SLC26A7: variants seen among roughly 807,000 people sequenced by gnomAD.
The protein encoded by SLC26A7 is solute carrier family 26 member 7.
A neutral mutation model predicts 82.5 loss-of-function variants in SLC26A7; 59 were observed. That is an observed-to-expected ratio of 0.72 (90% CI 0.58 to 0.89). The LOEUF (loss-of-function observed/expected upper bound fraction) is 0.89. Ranked by LOEUF, SLC26A7 falls within the 40% of genes least tolerant of loss-of-function variation. The probability of loss-of-function intolerance (pLI) is 0.00; values close to 1 mark genes in which losing one functional copy is unlikely to be tolerated. For missense variants in SLC26A7, 820 were observed against 793.0 expected (o/e 1.03, Z -0.41); for synonymous variants, 271 against 274.3 (o/e 0.99, Z 0.12).
At position 91,236,339 on chromosome 8, in the gene SLC26A7, G is replaced by A. The variant is rs983553181; in HGVS notation, c.-33-13280G>A. On this transcript the variant is annotated intron_variant, in intron 2 of 5. Coordinates refer to the SLC26A7 transcript ENST00000522862. ...AAGTTTTCAGGGAATAATAGAGTTAGGAGAAGGTCTGGGAAGTCCAAAGTC... is the reference window on the plus strand; with the variant it reads ...AAGTTTTCAGGGAATAATAGAGTTAAGAGAAGGTCTGGGAAGTCCAAAGTC... Among the ~76,000 whole-genome samples the A allele has an allele frequency of 2.1e-4, 32 of 152,126 alleles. 1 individual carries two copies.
At position 91,394,034 on chromosome 8, in the gene SLC26A7, A is replaced by G; in HGVS notation, c.1930A>G (p.Asn644Asp). The G allele has an allele frequency of 3.1e-6, 5 of 1,612,676 alleles. No homozygotes were observed. The highest frequency in any genetic ancestry group is 4.2e-6 in the Non-Finnish European group (5 of 1,178,912). ...VSAAISHIHS[N>D]KNLSKLSDHS... ...TGCTGCAATAAGTCATATCCATTCA[A>G]ATAAGGTGAGTTGATTAAGTTGGGC... Residue 644 changes from asparagine to aspartate, a missense_variant, in exon 18 of 19, where the codon AAT becomes GAT. Transcript: ENST00000276609.
At chr8:91,311,485 A>G (rs1812485836) in intron 4 of SLC26A7, among the ~76,000 whole-genome samples, 1 of 152,052 alleles carries the variant, frequency 6.6e-6, no homozygotes, top group Non-Finnish European at 1.5e-5. Context: ...AATGTGGAAA[A>G]ATATACAAGC....
chr8:91,324,560 C>T (rs137893327), intron 5 of SLC26A7, among the ~76,000 whole-genome samples: 1 of 152,308 alleles, frequency 6.6e-6, no homozygotes, highest in African/African-American at 2.4e-5. Flanking sequence ...GATTAAAGAA[C>T]CACTAGAACA....
intron 9 of SLC26A7, chr8:91,348,388 CGA>C: frequency 1.0e-6 from 1 of 982,676 alleles, no homozygotes; most frequent in Non-Finnish European, 1.2e-6. Flanking sequence ...CTACTCCCAA[CGA>C]AATATCTAGG....
At chr8:91,221,887 G>GT (rs201824363) in intron 2 of SLC26A7, among the ~76,000 whole-genome samples, 9,696 of 151,638 alleles carry the variant, frequency 0.064, 754 homozygotes, top group East Asian at 0.22. Context: ...ATTTAAAATA[G>GT]TTTTTTTTTA....
At chr8:91,293,591 A>G (rs984714664) in intron 3 of SLC26A7, among the ~76,000 whole-genome samples, 3 of 152,118 alleles carry the variant, frequency 2.0e-5, no homozygotes, top group Non-Finnish European at 1.5e-5. Context: ...TTGAAATATG[A>G]CTCACACGCA....
intron 6 of SLC26A7, among the ~76,000 whole-genome samples, chr8:91,337,067 T>A (rs1315929342): frequency 6.6e-6 from 1 of 152,198 alleles, no homozygotes; most frequent in Non-Finnish European, 1.5e-5. Context: ...TATTTATAAA[T>A]TTTAACAATA....
intron 15 of SLC26A7, among the ~76,000 whole-genome samples, chr8:91,377,179 A>G (rs1172769601): frequency 6.6e-6 from 1 of 152,058 alleles, no homozygotes; most frequent in East Asian, 1.9e-4. Context: ...CACTTTCTCC[A>G]AGTGCTTTCC....
intron 2 of SLC26A7, among the ~76,000 whole-genome samples, chr8:91,277,703 T>C (rs552971690): frequency 1.3e-5 from 2 of 152,354 alleles, no homozygotes; most frequent in South Asian, 2.1e-4. Flanking sequence ...TAAAATTCCC[T>C]AAAACTTTAC....
chr8:91,362,522 C>A, intron 12 of SLC26A7, 63 bp downstream of exon 12: 1 of 1,236,890 alleles, frequency 8.1e-7, no homozygotes, highest in South Asian at 1.3e-5. Context: ...GGTTACTTGC[C>A]ATATGGTACT....
At chr8:91,275,915 A>T (rs920936387) in intron 2 of SLC26A7, among the ~76,000 whole-genome samples, 1 of 151,976 alleles carries the variant, frequency 6.6e-6, no homozygotes, top group African/African-American at 2.4e-5. Context: ...GTATTTCCAC[A>T]TTTTCATGTG....
intron 15 of SLC26A7, among the ~76,000 whole-genome samples, chr8:91,375,062 G>A (rs1814472430): frequency 6.6e-6 from 1 of 151,632 alleles, no homozygotes; most frequent in African/African-American, 2.4e-5. Flanking sequence ...AGAAACTCCT[G>A]TTCTTTTATG....
rs1267737133 is a variant in SLC26A7 at position 91,234,825 on chromosome 8, C to CTTCCT, written c.-33-14793_-33-14792insTCCTT. 2.0e-3 allele frequency among the ~76,000 whole-genome samples: 173 copies of CTTCCT among 86,506 alleles called. 1 individual carries two copies. The highest frequency in any genetic ancestry group is 6.8e-3 in the African/African-American group (146 of 21,502). 56.8% of individuals were successfully genotyped at this position (86,506 alleles called of 152,430 possible). A position where few individuals can be genotyped will look rare whatever the true frequency, so the allele number is the denominator to read the frequency against. On this transcript the variant is annotated intron_variant, in intron 2 of 5. Coordinates refer to the SLC26A7 transcript ENST00000522862. ...CCTACCTACCTACCTACCTACCTAC[C>CTTCCT]TACTTCCTTCCTTCCTTCCTTCCTT...
At chr8:91,351,666 C>G in intron 9 of SLC26A7, 144 bp from the exon 10 acceptor site, 1 of 609,546 alleles carries the variant, frequency 1.6e-6, no homozygotes, top group Non-Finnish European at 2.9e-6. Context: ...TAATGACAGT[C>G]TAAGCAATTT....
chr8:91,335,657 A>G (rs1813219366), intron 6 of SLC26A7, among the ~76,000 whole-genome samples: 1 of 152,222 alleles, frequency 6.6e-6, no homozygotes, highest in Admixed American at 6.5e-5. Context: ...TTATTCTTAC[A>G]ATAAGATTAA....
rs111894082 is a variant in SLC26A7 at position 91,376,078 on chromosome 8, G to T, written c.1675+6245G>T. Among the ~76,000 whole-genome samples the T allele has an allele frequency of 3.4e-3, 510 of 152,048 alleles. 8 individuals are homozygous for T. Among genetic ancestry groups the T allele is most frequent in the African/African-American group, 0.012 (485 of 41,492 alleles). ...CCTTTAGCGAGTTGTTTAATTCTAG[G>T]TGTTCTATTTGGCTTTTATAAAAAT... is the stretch of plus-strand genomic sequence containing the variant. On this transcript the variant is annotated intron_variant, in intron 15 of 18. Coordinates refer to ENST00000276609, the MANE Select transcript of SLC26A7 (RefSeq NM_052832.4).
intron 9 of SLC26A7, among the ~76,000 whole-genome samples, chr8:91,350,763 G>T (rs942260593): frequency 6.6e-6 from 1 of 151,964 alleles, no homozygotes; most frequent in Non-Finnish European, 1.5e-5. Context: ...TGGCATTTAT[G>T]AATAAAGGTT....
In SLC26A7 at chr8:91,340,537, A is replaced by G. The variant is rs778062991; in HGVS notation, c.1012A>G (p.Ile338Val). The change falls in exon 8 of 19, where the codon ATT (isoleucine) becomes GTT (valine). Residue 338 changes from isoleucine to valine, a missense_variant. Transcript: ENST00000276609. The part of the protein sequence containing the change: ...QGSAKKFKYS[I>V]DDNQEFLAHG... ...ATCTGCCAAAAAATTCAAATATTCA[A>G]TTGATGACAACCAGGTGGAGTGTGC... The G allele has an allele frequency of 5.1e-5, 82 of 1,613,708 alleles. No individual in the cohort carries two copies. The highest frequency in any genetic ancestry group is 3.3e-5 in the South Asian group (3 of 91,072).
intron 5 of SLC26A7, 41 bp from the exon 6 acceptor site, chr8:91,334,254 G>A (rs777420514): frequency 1.3e-6 from 2 of 1,569,986 alleles, no homozygotes; most frequent in Non-Finnish European, 8.7e-7. Flanking sequence ...TATATTATAG[G>A]TGACCCTGAA....
Sources: gnomAD v4.1 joint callset for allele counts (sites outside exome capture counted in the v4.1 genomes callset) on GRCh38, gnomAD v4.1.1 for gene constraint, MANE v1.5 for transcripts, NCBI Gene and HGNC (gene_info 2026-07-23, HGNC 2026-07-21) for gene names.